The following CCDC83 variants were observed in gnomAD, a reference collection of about 807,000 sequenced individuals.
CCDC83 encodes coiled-coil domain-containing protein 83.
A neutral mutation model predicts 50.1 loss-of-function variants in CCDC83; 54 were observed. That is an observed-to-expected ratio of 1.08 (90% CI 0.87 to 1.35). The LOEUF (loss-of-function observed/expected upper bound fraction) is 1.35, where lower values mean the gene tolerates loss of function less well. CCDC83 is among the 40% of genes most tolerant of loss of function. The pLI is 0.00. For missense variants in CCDC83, 518 were observed against 473.9 expected (o/e 1.09, Z -0.86); for synonymous variants, 161 against 153.3 (o/e 1.05, Z -0.37).
rs528597984 is a variant in CCDC83, at chr11:85,857,096, A to G, written c.-29+1512A>G. Among the ~76,000 whole-genome samples, 7 of 152,284 alleles carry G rather than the reference A, an allele frequency of 4.6e-5. No individual in the cohort carries two copies. In the East Asian group the frequency reaches 1.4e-3, roughly 29 times the overall value. On this transcript the variant is annotated intron_variant, in intron 1 of 10. Coordinates refer to ENST00000342404, the MANE Select transcript of CCDC83 (RefSeq NM_001286159.2). ...ACAAGCACCACCAGCATGTCTGACA[A>G]ACTGCCCTACAAAGTCACTGACATT... is the stretch of plus-strand genomic sequence containing the variant.
intron 1 of CCDC83, among the ~76,000 whole-genome samples, chr11:85,856,368 C>G (rs963653378): frequency 3.3e-5 from 5 of 152,018 alleles, no homozygotes; most frequent in African/African-American, 1.2e-4. Flanking sequence ...TGTTCTCTAC[C>G]ATTATTATTG....
At position 85,911,737 on chromosome 11, in the gene CCDC83, G is replaced by A. The variant is rs146914384; in HGVS notation, c.794+335G>A. 4.2e-3 allele frequency among the ~76,000 whole-genome samples: 637 copies of A among 152,316 alleles called. 4 individuals are homozygous for A. The highest frequency in any genetic ancestry group is 0.013 in the South Asian group (62 of 4,826). On this transcript the variant is annotated intron_variant, in intron 8 of 10. Transcript: ENST00000342404. ...GTACATAACAGTACGGCAGAAGATA[G>A]AGGAGGTAGAGAGTTAGCACAGAGG...
At chr11:85,912,259 TGGAA>T (rs1311600573) in intron 8 of CCDC83, among the ~76,000 whole-genome samples, 1 of 152,194 alleles carries the variant, frequency 6.6e-6, no homozygotes, top group Non-Finnish European at 1.5e-5. Context: ...TTGTGTGACA[TGGAA>T]GACTACTATT....
chr11:85,870,404 G>A (rs2093230318), intron 2 of CCDC83, among the ~76,000 whole-genome samples: 1 of 152,178 alleles, frequency 6.6e-6, no homozygotes, highest in South Asian at 2.1e-4. Context: ...ATTTATAACT[G>A]CAGAAATTAT....
rs146111590 is a variant in CCDC83, at chr11:85,862,064, G to A, written c.-28-3032G>A. On this transcript the variant is annotated intron_variant, in intron 1 of 10. Coordinates refer to ENST00000342404, the MANE Select transcript of CCDC83 (RefSeq NM_001286159.2). ...AGCTTTCTAGATACTGAGCCAGGAT[G>A]CTGAGATAGTGCAGGAAGGGATACA... 7.3e-3 allele frequency among the ~76,000 whole-genome samples: 1,106 copies of A among 150,836 alleles called. 20 individuals carry two copies. The highest frequency in any genetic ancestry group is 0.026 in the African/African-American group (1,049 of 40,886).
chr11:85,882,487 T>A (rs1308403631), intron 3 of CCDC83, 26 bp from the exon 4 acceptor site: 3 of 1,610,166 alleles, frequency 1.9e-6, no homozygotes, highest in Non-Finnish European at 2.5e-6. Flanking sequence ...TGATCAAACG[T>A]GAATTACTGT....
At chr11:85,858,682 G>A (rs1472646876) in intron 1 of CCDC83, among the ~76,000 whole-genome samples, 1 of 152,138 alleles carries the variant, frequency 6.6e-6, no homozygotes, top group East Asian at 1.9e-4. Flanking sequence ...TCCTTAGCCT[G>A]GAAGTTGGTA....
chr11:85,873,215 C>A lies in CCDC83; in HGVS notation c.100C>A (p.Gln34Lys). The change falls in exon 3 of 11, where the codon CAA becomes AAA. Residue 34 changes from glutamine to lysine, a missense_variant. By Grantham distance (53) the Gln-to-Lys change is moderately conservative (BLOSUM62 1). Transcript: ENST00000342404. ...TSEALLDYQC[Q>K]IKEDAVEQFM... ...TTTATCTTTGTTGATTCTCAGATGT[C>A]AAATAAAGGAAGATGCCGTGGAGCA... 1 of 1,518,908 alleles carries A rather than the reference C, an allele frequency of 6.6e-7. No homozygotes were observed. Among genetic ancestry groups the A allele is most frequent in the Non-Finnish European group, 8.9e-7 (1 of 1,124,712 alleles). 94.1% of individuals were successfully genotyped at this position (1,518,908 alleles called of 1,614,324 possible). A position where few individuals can be genotyped will look rare whatever the true frequency, so the allele number is the denominator to read the frequency against.
chr11:85,902,144 G>A (rs1024178246), intron 7 of CCDC83, among the ~76,000 whole-genome samples: 1 of 150,380 alleles, frequency 6.6e-6, no homozygotes, highest in Admixed American at 6.7e-5. Context: ...AAGAACAAAA[G>A]GAAAATCCTA....
At chr11:85,915,388 G>A (rs746759650) in intron 8 of CCDC83, 31 bp from the exon 9 acceptor site, 39 of 1,492,548 alleles carry the variant, frequency 2.6e-5, no homozygotes, top group Non-Finnish European at 3.3e-5. Flanking sequence ...TTTATTGACT[G>A]ACAGATTGTT....
chr11:85,901,106 T>C (rs574805028), intron 7 of CCDC83, among the ~76,000 whole-genome samples: 1 of 150,434 alleles, frequency 6.6e-6, no homozygotes, highest in Admixed American at 6.6e-5. Flanking sequence ...TTGGCTCACA[T>C]CTATAATCCC....
rs2093331007 is a variant in CCDC83, at chr11:85,887,158, G to T, written c.511+791G>T. ...CAAACATGAGATGAGAAGTGGAGAG[G>T]CTATAGAGTAGGATGCCGTCAGGAG... On this transcript the variant is annotated intron_variant, in intron 5 of 10. Transcript: ENST00000342404. Among the ~76,000 whole-genome samples the T allele has an allele frequency of 3.3e-5, 5 of 152,290 alleles. No homozygotes were observed. The South Asian group carries it at 1.0e-3, about 32-fold the overall frequency.
chr11:85,882,653 A>C lies in CCDC83; in HGVS notation c.321A>C (p.Arg107Ser), dbSNP rs759256789. The C allele has an allele frequency of 1.2e-5, 19 of 1,613,758 alleles. No homozygotes were observed. In the South Asian group the frequency reaches 2.0e-4, roughly 17 times the overall value. ...EAMKEKWKFE[R>S]DQEKNLRDMR... ...TGAAGGAAAAATGGAAGTTTGAAAG[A>C]GACCAGGAAAAAAACTTGAGAGGTG... is the stretch of plus-strand genomic sequence containing the variant. The change falls in exon 4 of 11, where the codon AGA becomes AGC. Residue 107 changes from arginine to serine, a missense_variant. Physicochemically the swap from Arg to Ser is moderately radical, Grantham distance 110. Transcript: ENST00000342404.
At chr11:85,880,126 T>C (rs540623477) in intron 3 of CCDC83, among the ~76,000 whole-genome samples, 1 of 152,356 alleles carries the variant, frequency 6.6e-6, no homozygotes, top group Non-Finnish European at 1.5e-5. Flanking sequence ...AATTATCTTG[T>C]ATATATTTGC....
At chr11:85,893,889 A>C (rs2093360966) in intron 5 of CCDC83, among the ~76,000 whole-genome samples, 1 of 152,148 alleles carries the variant, frequency 6.6e-6, no homozygotes, top group Non-Finnish European at 1.5e-5. Flanking sequence ...CAATATTTGC[A>C]GTGTCTTACA....
At chr11:85,868,378 AT>A (rs2093219466) in intron 2 of CCDC83, among the ~76,000 whole-genome samples, 1 of 151,938 alleles carries the variant, frequency 6.6e-6, no homozygotes, top group Non-Finnish European at 1.5e-5. Flanking sequence ...TGGATCAGTG[AT>A]TTGTTTGTTT....
intron 2 of CCDC83, among the ~76,000 whole-genome samples, chr11:85,867,100 G>C (rs910076791): frequency 1.3e-5 from 2 of 152,192 alleles, no homozygotes; most frequent in African/African-American, 4.8e-5. Flanking sequence ...CTGTCACCCA[G>C]GCTGGAGTGT....
chr11:85,872,087 G>C (rs2093240969), intron 2 of CCDC83, among the ~76,000 whole-genome samples: 1 of 152,088 alleles, frequency 6.6e-6, no homozygotes, highest in Non-Finnish European at 1.5e-5. Context: ...CGAGTAGCTA[G>C]AACTACAGGC....
intron 3 of CCDC83, among the ~76,000 whole-genome samples, chr11:85,880,923 C>T (rs1032299111): frequency 1.3e-5 from 2 of 152,158 alleles, no homozygotes; most frequent in African/African-American, 4.8e-5. Flanking sequence ...GTTGCATATA[C>T]ACCTTATACA....
Sources: gnomAD v4.1 joint callset for allele counts (sites outside exome capture counted in the v4.1 genomes callset) on GRCh38, gnomAD v4.1.1 for gene constraint, MANE v1.5 for transcripts, NCBI Gene and HGNC (gene_info 2026-07-23, HGNC 2026-07-21) for gene names.